Variants in NMBR observed in about 807,000 individuals in gnomAD.
NMBR encodes neuromedin B receptor.
Under a neutral mutation model 20.5 loss-of-function variants are expected in NMBR, and 16 were observed. The observed-to-expected ratio is 0.78, with a 90% CI of 0.53 to 1.19. The LOEUF (loss-of-function observed/expected upper bound fraction) is 1.19, where lower values mean the gene tolerates loss of function less well. Among genes scored for constraint, NMBR ranks in the 50% most tolerant of loss-of-function variants. NMBR has a pLI of 0.00. For synonymous variants in NMBR, 212 were observed against 196.6 expected (o/e 1.08, Z -0.65); for missense variants, 582 against 499.1 (o/e 1.17, Z -1.58).
intron 1 of NMBR, chr6:142,133,179 A>G: frequency 1.5e-6 from 1 of 687,850 alleles, no homozygotes; most frequent in Non-Finnish European, 2.7e-6. Context: ...ATTACATCAA[A>G]AACTTCTATG....
intron 1 of NMBR, among the ~76,000 whole-genome samples, chr6:142,107,612 T>C (rs540743899): frequency 6.6e-6 from 1 of 152,200 alleles, no homozygotes; most frequent in Admixed American, 6.5e-5. Context: ...ACAAGTTCCA[T>C]ATACAGATTT....
At chr6:142,145,630 G>A (rs958479734) in intron 1 of NMBR, among the ~76,000 whole-genome samples, 1 of 152,196 alleles carries the variant, frequency 6.6e-6, no homozygotes, top group Non-Finnish European at 1.5e-5. Context: ...TTGTGGTAGA[G>A]GCAAGGCAAA....
At chr6:142,146,184 C>T (rs1356298937) in intron 1 of NMBR, among the ~76,000 whole-genome samples, 1 of 152,092 alleles carries the variant, frequency 6.6e-6, no homozygotes, top group African/African-American at 2.4e-5. Flanking sequence ...ATGGACTTTG[C>T]AAATAGGTCT....
intron 1 of NMBR, among the ~76,000 whole-genome samples, chr6:142,089,655 G>A (rs1777283510): frequency 6.6e-6 from 1 of 152,094 alleles, no homozygotes; most frequent in African/African-American, 2.4e-5. Context: ...ATACACTCTT[G>A]TGTCTAGGTT....
chr6:142,137,851 G>T (rs1227076599), intron 1 of NMBR, among the ~76,000 whole-genome samples: 3 of 152,126 alleles, frequency 2.0e-5, no homozygotes, highest in Non-Finnish European at 4.4e-5. Flanking sequence ...AAGCCCACTT[G>T]ATCATGGTGG....
intron 1 of NMBR, among the ~76,000 whole-genome samples, chr6:142,139,924 G>T (rs1214589870): frequency 1.3e-5 from 2 of 152,112 alleles, no homozygotes; most frequent in East Asian, 3.9e-4. Context: ...CATTTGAAAT[G>T]ATATTTAAAA....
In NMBR at chr6:142,132,540, A is replaced by G. The variant is rs78429950; in HGVS notation, c.-664+14504T>C. Among the ~76,000 whole-genome samples, 1,472 of 152,314 alleles carry G rather than the reference A, an allele frequency of 9.7e-3. 32 individuals are homozygous for G. Among genetic ancestry groups the G allele is most frequent in the African/African-American group, 0.034 (1,396 of 41,568 alleles). On this transcript the variant is annotated intron_variant, in intron 1 of 3. Coordinates refer to ENST00000258042, the MANE Select transcript of NMBR (RefSeq NM_002511.4). Reference sequence around the variant, plus strand: ...TCTGTGGCAAGCATTCAACAACTAGACAAATATAGCAATACATCAATAATA... The same window carrying G: ...TCTGTGGCAAGCATTCAACAACTAGGCAAATATAGCAATACATCAATAATA...
intron 1 of NMBR, among the ~76,000 whole-genome samples, chr6:142,103,863 A>G (rs1483335042): frequency 6.6e-6 from 1 of 152,170 alleles, no homozygotes; most frequent in Admixed American, 6.6e-5. Flanking sequence ...TCTTTTCATT[A>G]AAGTGTTGAA....
chr6:142,122,983 C>A (rs975318115), intron 1 of NMBR, among the ~76,000 whole-genome samples: 1 of 151,846 alleles, frequency 6.6e-6, no homozygotes, highest in African/African-American at 2.4e-5. Flanking sequence ...GGAGTAATTT[C>A]AACTTTTAAG....
At position 142,078,685 on chromosome 6, in the gene NMBR, A is replaced by G. The variant is rs140493962; in HGVS notation, c.641T>C (p.Val214Ala). The G allele has an allele frequency of 2.6e-4, 414 of 1,614,024 alleles. 1 individual carries two copies. The African/African-American group carries it at 5.2e-3, about 20-fold the overall frequency. Residue 214 changes from valine (V) to alanine (A), a missense_variant, in exon 3 of 4, where the codon GTG (valine) becomes GCG (alanine). Transcript: ENST00000258042. ...GAGGAAATAGACCAAGAAAATGAGC[A>G]CTGAATGAATCTTTGGATGTAATTC... ...TDELHPKIHSVLIFLVYFLIP... is the reference protein window; with the variant it reads ...TDELHPKIHSALIFLVYFLIP...
intron 1 of NMBR, chr6:142,133,091 C>A: frequency 8.3e-6 from 5 of 603,764 alleles, no homozygotes; most frequent in South Asian, 5.9e-5. Flanking sequence ...TTGATTCTGG[C>A]AGAAGCAAAC....
intron 1 of NMBR, among the ~76,000 whole-genome samples, chr6:142,096,106 C>T (rs531838061): frequency 3.9e-5 from 6 of 152,186 alleles, no homozygotes; most frequent in Non-Finnish European, 7.4e-5. Context: ...AAAACCAGCT[C>T]CTGGATTCAT....
intron 1 of NMBR, among the ~76,000 whole-genome samples, chr6:142,131,563 T>C (rs1191264972): frequency 1.3e-5 from 2 of 152,280 alleles, no homozygotes; most frequent in South Asian, 2.1e-4. Flanking sequence ...TTGCCATACA[T>C]TTGAGATCAG....
intron 1 of NMBR, among the ~76,000 whole-genome samples, chr6:142,111,594 T>G (rs994957774): frequency 6.6e-6 from 1 of 152,150 alleles, no homozygotes; most frequent in Non-Finnish European, 1.5e-5. Flanking sequence ...ACCCACCGGT[T>G]TCAAATAGGA....
chr6:142,118,865 T>C (rs989643695), intron 1 of NMBR, among the ~76,000 whole-genome samples: 1 of 152,006 alleles, frequency 6.6e-6, no homozygotes, highest in Admixed American at 6.6e-5. Flanking sequence ...GTGTCTTACA[T>C]TCATGCTCCC....
chr6:142,146,350 T>C (rs911717938), intron 1 of NMBR, among the ~76,000 whole-genome samples: 4 of 152,074 alleles, frequency 2.6e-5, no homozygotes, highest in Admixed American at 1.3e-4. Flanking sequence ...AGTTTTAAGA[T>C]GAATTGTCAA....
intron 1 of NMBR, among the ~76,000 whole-genome samples, chr6:142,109,964 C>T (rs1049923112): frequency 3.3e-5 from 5 of 152,038 alleles, no homozygotes; most frequent in Middle Eastern, 3.4e-3. Flanking sequence ...TTCAGAACTG[C>T]GAAAAATAAA....
chr6:142,083,891 A>G (rs1777152297), intron 2 of NMBR, among the ~76,000 whole-genome samples: 1 of 152,230 alleles, frequency 6.6e-6, no homozygotes, highest in South Asian at 2.1e-4. Context: ...GAACAAAAAT[A>G]AGTTGAACAT....
chr6:142,079,589 G>C (rs1223178576), intron 2 of NMBR, among the ~76,000 whole-genome samples: 1 of 151,960 alleles, frequency 6.6e-6, no homozygotes, highest in Non-Finnish European at 1.5e-5. Flanking sequence ...CATAGCTTCT[G>C]AGCATGAGCC....
Sources: gnomAD v4.1 joint callset for allele counts (sites outside exome capture counted in the v4.1 genomes callset) on GRCh38, gnomAD v4.1.1 for gene constraint, MANE v1.5 for transcripts, NCBI Gene and HGNC (gene_info 2026-07-23, HGNC 2026-07-21) for gene names.